The following MDGA1 variants were observed in gnomAD, a reference collection of about 807,000 sequenced individuals.
MDGA1 encodes the protein MAM domain-containing glycosylphosphatidylinositol anchor protein 1.
A neutral mutation model predicts 101.5 loss-of-function variants in MDGA1; 54 were observed. The observed-to-expected ratio is 0.53, with a 90% CI of 0.43 to 0.67. The LOEUF (loss-of-function observed/expected upper bound fraction) is 0.67. MDGA1 is among the 30% of genes least tolerant of loss of function. The pLI is 0.00. For missense variants in MDGA1, 1,083 were observed against 1,323.8 expected, an observed-to-expected ratio of 0.82 and a Z score of 2.82; for synonymous variants, 533 against 558.3, an observed-to-expected ratio of 0.95 and a Z score of 0.64.
rs1763875668 is a variant in MDGA1, at chr6:37,633,998, A to G, written c.*3370T>C. On this transcript the variant is annotated 3_prime_UTR_variant, in exon 17 of 17. Transcript: ENST00000434837. The stretch of plus-strand genomic sequence containing the variant: ...CAGGGGCTTTCCCAGAGCACAGGGA[A>G]AAGGAGAATGAATGAGAAAGAGGTG... The G allele has an allele frequency of 6.6e-6, 1 of 152,400 alleles. No individual in the cohort carries two copies. The highest frequency in any genetic ancestry group is 2.4e-5 in the African/African-American group (1 of 41,456). The allele number at this position is 152,400 out of a possible 1,614,324, so 9.4% of individuals were successfully genotyped here. A position where few individuals can be genotyped will look rare whatever the true frequency, so the allele number is the denominator to read the frequency against.
chr6:37,682,413 G>A (rs1226437030), intron 1 of MDGA1, among the ~76,000 whole-genome samples: 1 of 152,242 alleles, frequency 6.6e-6, no homozygotes, highest in African/African-American at 2.4e-5. Flanking sequence ...GAACCCAAGA[G>A]GTAGAGATTG....
intron 1 of MDGA1, among the ~76,000 whole-genome samples, chr6:37,668,163 A>G (rs182758091): frequency 1.3e-5 from 2 of 151,788 alleles, no homozygotes; most frequent in Non-Finnish European, 2.9e-5. Flanking sequence ...AGGCAGGAGG[A>G]TCATTTGAGC....
intron 1 of MDGA1, among the ~76,000 whole-genome samples, chr6:37,692,298 G>A (rs755626698): frequency 6.6e-6 from 1 of 152,180 alleles, no homozygotes. Flanking sequence ...ATGTCCGGAG[G>A]TGGGAGGTGA....
Position 37,697,268 on chromosome 6 carries a change from C to A in MDGA1, c.-457G>T, listed in dbSNP as rs1224301957. 1 of 159,176 alleles carries A rather than the reference C, an allele frequency of 6.3e-6. No homozygotes were observed. The highest frequency in any genetic ancestry group is 1.4e-5 in the Non-Finnish European group (1 of 72,730). 9.9% of individuals were successfully genotyped at this position (159,176 alleles called of 1,614,324 possible). On this transcript the variant is annotated 5_prime_UTR_variant, in exon 1 of 17. Coordinates refer to ENST00000434837, the MANE Select transcript of MDGA1 (RefSeq NM_153487.4). ...CGGAGCGGAGTCGGGGAGGCCGGGG[C>A]TCCGCTCGAGTTAATCAATCTGCTG...
chr6:37,692,571 C>T (rs747957517), intron 1 of MDGA1, among the ~76,000 whole-genome samples: 2 of 152,118 alleles, frequency 1.3e-5, no homozygotes, highest in African/African-American at 4.8e-5. Context: ...GCTGCTACCA[C>T]TGCCCGGATT....
In MDGA1 at chr6:37,650,319, C is replaced by T. The variant is rs940613187; in HGVS notation, c.1399G>A (p.Gly467Ser). 1 of 1,590,064 alleles carries T rather than the reference C, an allele frequency of 6.3e-7. No homozygotes were observed. The highest frequency in any genetic ancestry group is 8.5e-7 in the Non-Finnish European group (1 of 1,170,708). ...SPAELQCEVR[G>S]KPRPPVLWSR... ...CAGAGCACTGGCGGCCGCGGCTTGCCCCGCACCTCGCATTGCAGCTCGGCA... is the reference window on the plus strand; with the variant it reads ...CAGAGCACTGGCGGCCGCGGCTTGCTCCGCACCTCGCATTGCAGCTCGGCA... The change falls in exon 8 of 17, where the codon GGC (glycine) becomes AGC (serine). Residue 467 changes from glycine to serine, a missense_variant. Around this residue, in one of 3 missense-constraint regions of MDGA1, gnomAD observed 657 missense variants for 771.4 expected, o/e 0.85. Coordinates refer to ENST00000434837, the MANE Select transcript of MDGA1 (RefSeq NM_153487.4).
Position 37,655,433 on chromosome 6 carries a change from G to A in MDGA1, c.579+267C>T, listed in dbSNP as rs1467602175. ...ACCCAGCAGCAGACTGGGATGACCTGTCTGCCCCTAGGGGTGCCTTTTCCT... is the reference window on the plus strand; with the variant it reads ...ACCCAGCAGCAGACTGGGATGACCTATCTGCCCCTAGGGGTGCCTTTTCCT... On this transcript the variant is annotated intron_variant, in intron 4 of 16. Transcript: ENST00000434837. The surrounding 1 kb of genome is among the most constrained non-coding windows in gnomAD (Gnocchi z 5.1). The A allele has an allele frequency of 2.5e-6, 1 of 406,728 alleles. No individual in the cohort carries two copies. Among genetic ancestry groups the A allele is most frequent in the Non-Finnish European group, 4.4e-6 (1 of 227,740 alleles). The allele number at this position is 406,728 out of a possible 1,614,324, so 25.2% of individuals were successfully genotyped here.
chr6:37,663,872 C>G (rs1365353292), intron 2 of MDGA1, 95 bp downstream of exon 2: 5 of 1,394,816 alleles, frequency 3.6e-6, no homozygotes, highest in Admixed American at 3.9e-5. Context: ...TGCGGTGCAT[C>G]GTGAGTCCTC....
intron 1 of MDGA1, among the ~76,000 whole-genome samples, chr6:37,692,850 C>T (rs980895019): frequency 6.6e-6 from 1 of 152,238 alleles, no homozygotes; most frequent in Admixed American, 6.5e-5. Flanking sequence ...CTAACAAAAT[C>T]CTCTCTAACC....
intron 2 of MDGA1, among the ~76,000 whole-genome samples, chr6:37,660,179 A>AG (rs1435622046): frequency 6.4e-4 from 93 of 145,282 alleles, no homozygotes; most frequent in Admixed American, 3.2e-3. Flanking sequence ...CACCTGGCTA[A>AG]TTTTTTTTTT....
At chr6:37,683,894 T>C (rs1395130702) in intron 1 of MDGA1, among the ~76,000 whole-genome samples, 1 of 152,276 alleles carries the variant, frequency 6.6e-6, no homozygotes, top group Non-Finnish European at 1.5e-5. Context: ...ACTAAGACTA[T>C]GAGTCCAAGT....
At chr6:37,651,874 T>C in intron 7 of MDGA1, 137 bp downstream of exon 7, 1 of 720,010 alleles carries the variant, frequency 1.4e-6, no homozygotes, top group East Asian at 2.7e-5. Context: ...AGGGACTCAA[T>C]AAAAGCACGT....
At chr6:37,684,978 G>C (rs1762168881) in intron 1 of MDGA1, among the ~76,000 whole-genome samples, 1 of 152,084 alleles carries the variant, frequency 6.6e-6, no homozygotes, top group African/African-American at 2.4e-5. Flanking sequence ...CTCAGAGATG[G>C]GGGAAATGCC....
rs370910887 is a variant in MDGA1 at position 37,643,896 on chromosome 6, G to C, written c.2449C>G (p.Arg817Gly). ...ETSRPRELGD[R>G]ARLVSPLYNA... ...TAGAGGGGACTCACTAACCTTGCAC[G>C]GTCCCCCAGCTCCCGAGGCCTCGAT... The change falls in exon 14 of 17, where the codon CGT (arginine) becomes GGT (glycine). Residue 817 changes from arginine to glycine, a missense_variant. This residue lies in a region of MDGA1 where 657 missense variants were observed against 771.4 expected (regional missense o/e 0.85). Coordinates refer to ENST00000434837, the MANE Select transcript of MDGA1 (RefSeq NM_153487.4). 1.2e-6 allele frequency: 2 copies of C among 1,613,780 alleles called. No homozygotes were observed. The highest frequency in any genetic ancestry group is 1.7e-5 in the Admixed American group (1 of 59,988).
chr6:37,677,354 G>A (rs763950175), intron 1 of MDGA1, among the ~76,000 whole-genome samples: 2 of 152,166 alleles, frequency 1.3e-5, no homozygotes, highest in African/African-American at 4.8e-5. Context: ...AGGCCCCAAG[G>A]AAATAATTTA....
chr6:37,651,766 T>C (rs989847660), intron 7 of MDGA1, among the ~76,000 whole-genome samples: 1 of 152,242 alleles, frequency 6.6e-6, no homozygotes. Context: ...TGAGACTATC[T>C]GAAACGTGTT....
intron 1 of MDGA1, among the ~76,000 whole-genome samples, chr6:37,674,885 G>T (rs777157115): frequency 6.6e-6 from 1 of 152,078 alleles, no homozygotes; most frequent in South Asian, 2.1e-4. Context: ...GTGAAACCTC[G>T]TCTCTACTAA....
In MDGA1 at chr6:37,646,323, T is replaced by G; in HGVS notation, c.2099A>C (p.Lys700Thr). The G allele has an allele frequency of 6.3e-7, 1 of 1,590,328 alleles. No homozygotes were observed. Among genetic ancestry groups the G allele is most frequent in the South Asian group, 1.1e-5 (1 of 87,060 alleles). ...CAGGATGTACTCCAGCAGCTGCCCC[T>G]TCTCCACACGCCGGACCGGGATGGC... ...VKAIPVRRVEKGQLLEYILTD... is the reference protein window; with the variant it reads ...VKAIPVRRVETGQLLEYILTD... The change falls in exon 11 of 17, where the codon AAG (lysine) becomes ACG (threonine). Residue 700 changes from lysine (K) to threonine (T), a missense_variant. Transcript: ENST00000434837.
At chr6:37,657,650 G>C (rs979902875) in intron 3 of MDGA1, among the ~76,000 whole-genome samples, 5 of 152,204 alleles carry the variant, frequency 3.3e-5, no homozygotes, top group African/African-American at 1.2e-4. Context: ...ACAGGCTCCT[G>C]GGCCTGGGCC....
Sources: gnomAD v4.1 joint callset for allele counts (sites outside exome capture counted in the v4.1 genomes callset) on GRCh38, gnomAD v4.1.1 for gene constraint, gnomAD v4.1.1 regional missense constraint, Gnocchi (gnomAD v3.1) non-coding constraint, MANE v1.5 for transcripts, NCBI Gene and HGNC (gene_info 2026-07-23, HGNC 2026-07-21) for gene names.